The following DLG2 variants were observed in gnomAD, a reference collection of about 807,000 sequenced individuals.
DLG2 encodes disks large homolog 2.
A neutral mutation model predicts 132.5 loss-of-function variants in DLG2; 45 were observed. The ratio of observed to expected loss-of-function variants is 0.34; its 90% CI spans 0.27 to 0.44. The LOEUF (loss-of-function observed/expected upper bound fraction) is 0.44, where lower values mean the gene tolerates loss of function less well. Among genes scored for constraint, DLG2 ranks in the 20% least tolerant of loss-of-function variants. The pLI is 1.00. For synonymous variants in DLG2, 424 were observed against 419.6 expected, an observed-to-expected ratio of 1.01 and a Z score of -0.13; for missense variants, 1,045 against 1,196.9, an observed-to-expected ratio of 0.87 and a Z score of 1.87.
intron 3 of DLG2, among the ~76,000 whole-genome samples, chr11:85,394,429 C>T (rs1462409327): frequency 6.6e-6 from 1 of 151,762 alleles, no homozygotes; most frequent in Non-Finnish European, 1.5e-5. Flanking sequence ...GCTTTGGAAG[C>T]TAAAGCATCA....
chr11:84,750,520 T>TA (rs952868287), intron 6 of DLG2, among the ~76,000 whole-genome samples: 2 of 152,108 alleles, frequency 1.3e-5, no homozygotes, highest in South Asian at 2.1e-4. Context: ...AATTTATTTT[T>TA]AAAAAAATAA....
At chr11:84,332,187 C>A (rs1442500517) in intron 7 of DLG2, among the ~76,000 whole-genome samples, 1 of 150,304 alleles carries the variant, frequency 6.7e-6, no homozygotes, top group South Asian at 2.1e-4. Flanking sequence ...CAATTGAAGA[C>A]AACCGCTTTG....
At chr11:85,056,423 G>C (rs866079539) in intron 6 of DLG2, among the ~76,000 whole-genome samples, 22 of 152,060 alleles carry the variant, frequency 1.4e-4, no homozygotes, top group African/African-American at 4.3e-4. Context: ...GCAGAAGAGA[G>C]TGGCAGTAAA....
At chr11:85,479,216 T>G (rs1333984458) in intron 3 of DLG2, among the ~76,000 whole-genome samples, 2 of 152,218 alleles carry the variant, frequency 1.3e-5, no homozygotes, top group Non-Finnish European at 2.9e-5. Flanking sequence ...ACAATAAACA[T>G]TTACTTCTCA....
At chr11:84,167,536 A>T (rs1248145647) in intron 8 of DLG2, among the ~76,000 whole-genome samples, 1 of 152,212 alleles carries the variant, frequency 6.6e-6, no homozygotes, top group Non-Finnish European at 1.5e-5. Context: ...ATACATAACA[A>T]ATGTGAACTA....
chr11:84,344,993 C>T (rs2098533024), intron 7 of DLG2, among the ~76,000 whole-genome samples: 1 of 152,116 alleles, frequency 6.6e-6, no homozygotes, highest in African/African-American at 2.4e-5. Context: ...TATTATATTA[C>T]TTTTTAATCC....
Position 84,403,750 on chromosome 11 carries a change from C to T in DLG2, c.519+130820G>A, listed in dbSNP as rs569434501. Among the ~76,000 whole-genome samples, 129 of 152,312 alleles carry T rather than the reference C, an allele frequency of 8.5e-4. 1 individual carries two copies. Among genetic ancestry groups the T allele is most frequent in the African/African-American group, 2.8e-3 (116 of 41,582 alleles). ...ATTTGATTCGGGTGTCTGTCCCATA[C>T]TTTAGCCAGAATTATTGACTTGCTG... On this transcript the variant is annotated intron_variant, in intron 7 of 27. Transcript: ENST00000376104.
intron 6 of DLG2, among the ~76,000 whole-genome samples, chr11:84,928,980 GTGTATATATATATA>G (rs1482926849): frequency 3.4e-3 from 137 of 40,244 alleles, no homozygotes; most frequent in African/African-American, 9.3e-3. Context: ...GTGTGTGTGT[GTGTATATATATATA>G]TATATATATA....
chr11:83,654,502 T>C (rs570081905), intron 18 of DLG2, among the ~76,000 whole-genome samples: 50 of 152,324 alleles, frequency 3.3e-4, no homozygotes, highest in Non-Finnish European at 5.6e-4. Flanking sequence ...CTCAGAACAA[T>C]TACCATTTTC....
At chr11:83,865,513 A>T (rs2062171972) in intron 16 of DLG2, among the ~76,000 whole-genome samples, 1 of 152,106 alleles carries the variant, frequency 6.6e-6, no homozygotes, top group Non-Finnish European at 1.5e-5. Flanking sequence ...GCAAATTAAG[A>T]CTAAGAGAAA....
chr11:84,663,753 A>G (rs1019411573), intron 6 of DLG2, among the ~76,000 whole-genome samples: 2 of 152,168 alleles, frequency 1.3e-5, no homozygotes, highest in Non-Finnish European at 2.9e-5. Context: ...GGCCCCTTAT[A>G]TCTGGACCCT....
intron 7 of DLG2, among the ~76,000 whole-genome samples, chr11:84,453,639 ACTTAT>A (rs1401740397): frequency 7.9e-5 from 12 of 151,686 alleles, no homozygotes; most frequent in Admixed American, 2.6e-4. Flanking sequence ...GTACTTAACT[ACTTAT>A]CTTATTTAAT....
At chr11:84,793,034 G>T (rs574846950) in intron 6 of DLG2, among the ~76,000 whole-genome samples, 6 of 151,706 alleles carry the variant, frequency 4.0e-5, no homozygotes, top group African/African-American at 1.5e-4. Context: ...CTCTTTTTTT[G>T]AGGTAGGCAC....
At chr11:85,197,164 A>G (rs1445118602) in intron 4 of DLG2, among the ~76,000 whole-genome samples, 4 of 152,186 alleles carry the variant, frequency 2.6e-5, no homozygotes, top group African/African-American at 9.6e-5. Context: ...AATTTGGCAG[A>G]CCTTTCTACG....
At position 83,761,857 on chromosome 11, in the gene DLG2, A is replaced by G. The variant is rs563521026; in HGVS notation, c.1825+24833T>C. On this transcript the variant is annotated intron_variant, in intron 18 of 27. Coordinates refer to ENST00000376104, the MANE Select transcript of DLG2 (RefSeq NM_001142699.3). ...TAGCAACTCAACAAATCTTACTTAAATAAAATGTATCTTTATTTGGATGTG... is the reference window on the plus strand; with the variant it reads ...TAGCAACTCAACAAATCTTACTTAAGTAAAATGTATCTTTATTTGGATGTG... Among the ~76,000 whole-genome samples the G allele has an allele frequency of 3.3e-5, 5 of 152,296 alleles. No homozygotes were observed. In the South Asian group the frequency reaches 1.0e-3, roughly 32 times the overall value.
intron 8 of DLG2, among the ~76,000 whole-genome samples, chr11:84,207,141 T>A (rs1477983869): frequency 6.6e-6 from 1 of 151,648 alleles, no homozygotes; most frequent in Non-Finnish European, 1.5e-5. Flanking sequence ...AAAATACTGC[T>A]GAGATAGCTT....
chr11:84,467,097 T>A (rs1394648825), intron 7 of DLG2, among the ~76,000 whole-genome samples: 6 of 151,348 alleles, frequency 4.0e-5, no homozygotes, highest in Non-Finnish European at 5.9e-5. Flanking sequence ...GGTGTCTATT[T>A]ATCATTTTCT....
chr11:84,591,223 C>CTCTCTGTGTG (rs1555073566), intron 6 of DLG2, among the ~76,000 whole-genome samples: 4 of 139,222 alleles, frequency 2.9e-5, no homozygotes, highest in Non-Finnish European at 3.0e-5. Context: ...ATGTGTCTCT[C>CTCTCTGTGTG]TGTGTGTGTG....
chr11:85,345,995 T>G (rs553180568), intron 3 of DLG2, among the ~76,000 whole-genome samples: 10 of 151,938 alleles, frequency 6.6e-5, no homozygotes, highest in South Asian at 6.2e-4. Flanking sequence ...AAGAAAGAAT[T>G]CAGGGCGAGT....
Sources: allele counts gnomAD v4.1 joint callset (sites outside exome capture counted in the v4.1 genomes callset), GRCh38; gene constraint gnomAD v4.1.1; transcripts MANE v1.5; gene names NCBI Gene and HGNC (gene_info 2026-07-23, HGNC 2026-07-21).